The following EBF1 variants were observed in gnomAD, a reference collection of about 807,000 sequenced individuals.
The protein encoded by EBF1 is EBF transcription factor 1.
EBF1 carries 10 observed loss-of-function variants against 68.4 expected under a neutral mutation model. The ratio of observed to expected loss-of-function variants is 0.15; its 90% CI spans 0.09 to 0.25. EBF1 has a LOEUF of 0.25. Ranked by LOEUF, EBF1 falls within the 10% of genes least tolerant of loss-of-function variation. The pLI is 1.00. For missense variants in EBF1, 509 were observed against 794.4 expected (o/e 0.64, Z 4.32); for synonymous variants, 298 against 299.8 (o/e 0.99, Z 0.06).
intron 4 of EBF1, among the ~76,000 whole-genome samples, chr5:159,087,315 T>C (rs748526924): frequency 7.0e-6 from 1 of 143,818 alleles, no homozygotes; most frequent in Non-Finnish European, 1.5e-5. Context: ...CACACACACA[T>C]ATATATACAC....
chr5:158,839,661 G>A (rs1318422838), intron 7 of EBF1, among the ~76,000 whole-genome samples: 2 of 152,194 alleles, frequency 1.3e-5, no homozygotes, highest in Non-Finnish European at 2.9e-5. Context: ...GGGATTACAG[G>A]CATGAGCCAC....
At chr5:158,969,904 GAAAGAAAGAAAGAAAAA>G (rs1284347897) in intron 6 of EBF1, among the ~76,000 whole-genome samples, 9 of 105,688 alleles carry the variant, frequency 8.5e-5, no homozygotes, top group African/African-American at 2.4e-4. Flanking sequence ...AAGAAAGAAA[GAAAGAAAGAAAGAAAAA>G]AAAAAAAAAG....
intron 6 of EBF1, among the ~76,000 whole-genome samples, chr5:158,942,415 T>C (rs1813620013): frequency 6.6e-6 from 1 of 152,244 alleles, no homozygotes; most frequent in Admixed American, 6.5e-5. Context: ...TTACAAAGTT[T>C]ATTTATAAAT....
At chr5:158,792,430 G>A (rs1231154437) in intron 9 of EBF1, among the ~76,000 whole-genome samples, 1 of 152,170 alleles carries the variant, frequency 6.6e-6, no homozygotes, top group Admixed American at 6.5e-5. Context: ...CAGAAGATTG[G>A]ATTGGTAGGG....
At chr5:159,087,469 TAC>T (rs753229609) in intron 4 of EBF1, among the ~76,000 whole-genome samples, 6 of 150,330 alleles carry the variant, frequency 4.0e-5, no homozygotes, top group African/African-American at 7.3e-5. Context: ...CACACATATA[TAC>T]ACACACACAT....
intron 4 of EBF1, among the ~76,000 whole-genome samples, chr5:159,092,798 A>C (rs1305463972): frequency 6.6e-6 from 1 of 152,222 alleles, no homozygotes; most frequent in Non-Finnish European, 1.5e-5. Context: ...TTCCTTCCAC[A>C]ATTGATGATG....
At position 158,696,305 on chromosome 5, in the gene EBF1, G is replaced by A; in HGVS notation, c.*2806C>T. On this transcript the variant is annotated 3_prime_UTR_variant, in exon 16 of 16. Coordinates refer to ENST00000313708, the MANE Select transcript of EBF1 (RefSeq NM_024007.5). ...TAAAACTTTTGTGGAGAAGAAAGAG[G>A]ATCAGAGGGCCAGAATGTCTTTTCA... 3 of 220,536 alleles carry A rather than the reference G, an allele frequency of 1.4e-5. No individual in the cohort carries two copies. Among genetic ancestry groups the A allele is most frequent in the Non-Finnish European group, 2.7e-5 (3 of 110,106 alleles). The allele number at this position is 220,536 out of a possible 1,614,324, so 13.7% of individuals were successfully genotyped here. A position where few individuals can be genotyped will look rare whatever the true frequency, so the allele number is the denominator to read the frequency against.
At chr5:158,869,610 C>T (rs961578653) in intron 6 of EBF1, among the ~76,000 whole-genome samples, 2 of 151,194 alleles carry the variant, frequency 1.3e-5, no homozygotes, top group Non-Finnish European at 2.9e-5. Flanking sequence ...CACACACACA[C>T]ACACACACGT....
chr5:158,746,755 A>C (rs1280027896), intron 10 of EBF1, among the ~76,000 whole-genome samples: 1 of 152,160 alleles, frequency 6.6e-6, no homozygotes, highest in African/African-American at 2.4e-5. Context: ...CCATCTGCGG[A>C]ATTCACTTTG....
At chr5:159,046,233 T>C (rs975476505) in intron 6 of EBF1, among the ~76,000 whole-genome samples, 5 of 152,214 alleles carry the variant, frequency 3.3e-5, no homozygotes, top group Non-Finnish European at 5.9e-5. Flanking sequence ...GGTTTGCATA[T>C]GACTATGCCT....
intron 6 of EBF1, among the ~76,000 whole-genome samples, chr5:159,012,809 G>A (rs749979660): frequency 6.6e-6 from 1 of 152,218 alleles, no homozygotes; most frequent in African/African-American, 2.4e-5. Flanking sequence ...TTGGAGACAG[G>A]GTCTTTAAAG....
intron 10 of EBF1, among the ~76,000 whole-genome samples, chr5:158,744,758 T>C (rs1396866001): frequency 6.6e-6 from 1 of 152,192 alleles, no homozygotes; most frequent in Non-Finnish European, 1.5e-5. Context: ...AAGAAAACTG[T>C]AGAACTTCAG....
At chr5:158,842,637 A>C (rs1191640703) in intron 6 of EBF1, among the ~76,000 whole-genome samples, 1 of 152,216 alleles carries the variant, frequency 6.6e-6, no homozygotes, top group African/African-American at 2.4e-5. Flanking sequence ...TGTATAGGGA[A>C]ACTGTGAAAA....
intron 6 of EBF1, among the ~76,000 whole-genome samples, chr5:158,994,502 A>C (rs1761018870): frequency 6.6e-6 from 1 of 152,194 alleles, no homozygotes; most frequent in South Asian, 2.1e-4. Flanking sequence ...CGGAGCTGTC[A>C]CCTGACATCA....
intron 6 of EBF1, among the ~76,000 whole-genome samples, chr5:158,977,768 C>T (rs1027585134): frequency 3.9e-5 from 6 of 152,182 alleles, no homozygotes; most frequent in African/African-American, 1.4e-4. Flanking sequence ...CGCTGACCTC[C>T]CAGTGGGCTG....
At chr5:158,846,877 A>G (rs1582503921) in intron 6 of EBF1, among the ~76,000 whole-genome samples, 1 of 152,140 alleles carries the variant, frequency 6.6e-6, no homozygotes, top group Non-Finnish European at 1.5e-5. Flanking sequence ...TTAAGCACCA[A>G]TCATTCTGTT....
intron 6 of EBF1, chr5:158,941,183 T>C (rs773689615): frequency 2.2e-6 from 1 of 455,998 alleles, no homozygotes; most frequent in South Asian, 1.5e-5. Context: ...TCAGGTTTGC[T>C]GTGAGTGAAA....
At chr5:158,998,867 T>C (rs938523394) in intron 6 of EBF1, among the ~76,000 whole-genome samples, 3 of 152,190 alleles carry the variant, frequency 2.0e-5, no homozygotes, top group African/African-American at 7.2e-5. Flanking sequence ...CAAACAGATC[T>C]TTGATTCCCC....
At chr5:158,975,939 AG>A (rs948142149) in intron 6 of EBF1, among the ~76,000 whole-genome samples, 1 of 152,200 alleles carries the variant, frequency 6.6e-6, no homozygotes, top group Non-Finnish European at 1.5e-5. Context: ...TTTACACCAA[AG>A]GAAGTTAAGT....
Sources: allele counts gnomAD v4.1 joint callset (sites outside exome capture counted in the v4.1 genomes callset), GRCh38; gene constraint gnomAD v4.1.1; transcripts MANE v1.5; gene names NCBI Gene and HGNC (gene_info 2026-07-23, HGNC 2026-07-21).